The following ADGRL3 variants were observed in gnomAD, a reference collection of about 807,000 sequenced individuals.
ADGRL3 encodes adhesion G protein-coupled receptor L3.
ADGRL3 carries 62 observed loss-of-function variants against 153.5 expected under a neutral mutation model. The ratio of observed to expected loss-of-function variants is 0.40; its 90% CI spans 0.33 to 0.50. The LOEUF (loss-of-function observed/expected upper bound fraction) is 0.50, where lower values mean the gene tolerates loss of function less well. Among genes scored for constraint, ADGRL3 ranks in the 20% least tolerant of loss-of-function variants. The pLI is 0.47. For missense variants in ADGRL3, 1,641 were observed against 1,859.4 expected (o/e 0.88, Z 2.16); for synonymous variants, 710 against 672.5 (o/e 1.06, Z -0.86).
chr4:61,288,844 C>T (rs2094050667), intron 1 of ADGRL3, among the ~76,000 whole-genome samples: 1 of 151,870 alleles, frequency 6.6e-6, no homozygotes, highest in South Asian at 2.1e-4. Flanking sequence ...TTCAGCGGTT[C>T]TAAATTTTTA....
intron 1 of ADGRL3, among the ~76,000 whole-genome samples, chr4:61,239,368 A>G (rs1439547391): frequency 1.3e-5 from 2 of 152,138 alleles, no homozygotes; most frequent in Non-Finnish European, 2.9e-5. Flanking sequence ...AGCCATTAGT[A>G]TTCAAAGAGG....
chr4:61,291,805 G>T (rs774400352), intron 1 of ADGRL3, among the ~76,000 whole-genome samples: 1 of 148,068 alleles, frequency 6.8e-6, no homozygotes, highest in Non-Finnish European at 1.5e-5. Context: ...AAATGGAGAC[G>T]TTCTATATGC....
At chr4:61,558,182 A>G (rs2098777097) in intron 4 of ADGRL3, among the ~76,000 whole-genome samples, 1 of 145,268 alleles carries the variant, frequency 6.9e-6, no homozygotes, top group South Asian at 2.1e-4. Context: ...TCATATATAT[A>G]TATATATATA....
intron 2 of ADGRL3, among the ~76,000 whole-genome samples, chr4:61,391,914 C>T (rs2096809696): frequency 7.6e-6 from 1 of 131,402 alleles, no homozygotes; most frequent in African/African-American, 2.9e-5. Context: ...GGCTGGAGTG[C>T]AGTGGCGCGA....
intron 5 of ADGRL3, among the ~76,000 whole-genome samples, chr4:61,591,170 T>C (rs998419305): frequency 1.3e-5 from 2 of 152,182 alleles, no homozygotes; most frequent in Non-Finnish European, 2.9e-5. Flanking sequence ...GTAATTTTAA[T>C]AAAAGGTTTC....
intron 21 of ADGRL3, among the ~76,000 whole-genome samples, chr4:62,006,815 G>A (rs2151180221): frequency 6.6e-6 from 1 of 152,112 alleles, no homozygotes; most frequent in Non-Finnish European, 1.5e-5. Flanking sequence ...TGACTTTCCA[G>A]CCAAACTAAT....
At chr4:61,572,221 A>G (rs1413321056) in intron 4 of ADGRL3, among the ~76,000 whole-genome samples, 2 of 152,170 alleles carry the variant, frequency 1.3e-5, no homozygotes, top group Non-Finnish European at 2.9e-5. Context: ...CATGCAATTC[A>G]TCATTTCTTT....
chr4:61,874,789 CTTTTTTTTTTTTTTTTTTT>C (rs11432355), intron 9 of ADGRL3, among the ~76,000 whole-genome samples: 7 of 61,552 alleles, frequency 1.1e-4, no homozygotes, highest in African/African-American at 3.2e-4. Flanking sequence ...TCAAAATGCT[CTTTTTTTTTTTTTTTTTTT>C]TTTTTTTTTT....
At chr4:61,394,443 T>C (rs2096846876) in intron 2 of ADGRL3, among the ~76,000 whole-genome samples, 1 of 152,008 alleles carries the variant, frequency 6.6e-6, no homozygotes, top group Admixed American at 6.6e-5. Flanking sequence ...TGAGCACTGA[T>C]GAAAAGTTCA....
chr4:61,996,116 G>A (rs914729112), intron 19 of ADGRL3, among the ~76,000 whole-genome samples, 175 bp from the exon 20 acceptor site: 9 of 151,836 alleles, frequency 5.9e-5, no homozygotes, highest in Admixed American at 5.9e-4. Context: ...TCCATCAATA[G>A]TGCTGTCAGA....
At chr4:61,741,749 C>T (rs2096583222) in intron 8 of ADGRL3, among the ~76,000 whole-genome samples, 1 of 152,220 alleles carries the variant, frequency 6.6e-6, no homozygotes, top group Non-Finnish European at 1.5e-5. Context: ...CTTAACTATA[C>T]AGCTGAACCT....
At chr4:61,837,377 G>C (rs2097952816) in intron 9 of ADGRL3, among the ~76,000 whole-genome samples, 1 of 152,146 alleles carries the variant, frequency 6.6e-6, no homozygotes, top group Non-Finnish European at 1.5e-5. Context: ...AAGGCAATTA[G>C]AATGTGGTGC....
chr4:61,258,511 A>G (rs1345184162), intron 1 of ADGRL3, among the ~76,000 whole-genome samples: 1 of 152,202 alleles, frequency 6.6e-6, no homozygotes, highest in Non-Finnish European at 1.5e-5. Context: ...GGCACTGCAA[A>G]TAGCATCTGC....
chr4:61,634,569 T>C (rs1158793839), intron 5 of ADGRL3, among the ~76,000 whole-genome samples: 1 of 151,924 alleles, frequency 6.6e-6, no homozygotes, highest in African/African-American at 2.4e-5. Flanking sequence ...CTTCAAACTA[T>C]ATGCAAGCCC....
intron 11 of ADGRL3, among the ~76,000 whole-genome samples, chr4:61,899,928 C>T (rs748900305): frequency 2.0e-5 from 3 of 152,142 alleles, no homozygotes; most frequent in Non-Finnish European, 4.4e-5. Flanking sequence ...AGCGGCCCCA[C>T]CTCTTAACAC....
At chr4:62,007,608 C>G (rs2099166381) in intron 21 of ADGRL3, among the ~76,000 whole-genome samples, 1 of 150,970 alleles carries the variant, frequency 6.6e-6, no homozygotes, top group Non-Finnish European at 1.5e-5. Flanking sequence ...GGATGTGGCT[C>G]CTGGCTCACT....
At chr4:61,426,111 G>A (rs1188762824) in intron 2 of ADGRL3, among the ~76,000 whole-genome samples, 1 of 152,254 alleles carries the variant, frequency 6.6e-6, no homozygotes, top group Non-Finnish European at 1.5e-5. Context: ...CACAAAGGCA[G>A]GAGAATAACA....
intron 1 of ADGRL3, among the ~76,000 whole-genome samples, chr4:61,378,401 C>G (rs1162317403): frequency 6.6e-6 from 1 of 151,936 alleles, no homozygotes; most frequent in Non-Finnish European, 1.5e-5. Flanking sequence ...CATTGGCTAA[C>G]AGGTAGAAAA....
At chr4:61,957,656 G>A (rs937892658) in intron 17 of ADGRL3, among the ~76,000 whole-genome samples, 6 of 151,104 alleles carry the variant, frequency 4.0e-5, no homozygotes, top group Non-Finnish European at 2.9e-5. Flanking sequence ...ATTTGGAACT[G>A]ACAAAGACCT....
Sources: allele counts gnomAD v4.1 joint callset (sites outside exome capture counted in the v4.1 genomes callset), GRCh38; gene constraint gnomAD v4.1.1; transcripts MANE v1.5; gene names NCBI Gene and HGNC (gene_info 2026-07-23, HGNC 2026-07-21).